RARB: variants seen among roughly 807,000 people sequenced by gnomAD.
RARB encodes the protein retinoic acid receptor beta.
Under a neutral mutation model 51.9 loss-of-function variants are expected in RARB, and 17 were observed. The ratio of observed to expected loss-of-function variants is 0.33; its 90% CI spans 0.22 to 0.49. RARB has a LOEUF of 0.49. Among genes scored for constraint, RARB ranks in the 20% least tolerant of loss-of-function variants. The pLI is 0.99. For synonymous variants in RARB, 215 were observed against 195.4 expected, an observed-to-expected ratio of 1.10 and a Z score of -0.84; for missense variants, 369 against 550.8, an observed-to-expected ratio of 0.67 and a Z score of 3.30.
At chr3:25,377,187 G>T (rs1031130319) in intron 5 of RARB, among the ~76,000 whole-genome samples, 1 of 152,094 alleles carries the variant, frequency 6.6e-6, no homozygotes, top group Non-Finnish European at 1.5e-5. Flanking sequence ...CAGACATGCC[G>T]CATGCTGTTA....
chr3:25,262,223 G>A (rs147532626), intron 5 of RARB, among the ~76,000 whole-genome samples: 2 of 152,212 alleles, frequency 1.3e-5, no homozygotes, highest in African/African-American at 2.4e-5. Flanking sequence ...ACCAGAACCT[G>A]TGCCCAGAGT....
rs148510604 is a variant in RARB at position 25,398,323 on chromosome 3, C to T, written c.179-62870C>T. Among the ~76,000 whole-genome samples the T allele has an allele frequency of 1.6e-4, 25 of 152,218 alleles. No individual in the cohort carries two copies. In the East Asian group the frequency reaches 4.6e-3, roughly 28 times the overall value. On this transcript the variant is annotated intron_variant, in intron 5 of 11. Transcript: ENST00000383772. Reference sequence around the variant, plus strand: ...ACCCTGGATGCTCCAACATAACTCCCATTATTATCGATAAAAGTTACACTA... The same window carrying T: ...ACCCTGGATGCTCCAACATAACTCCTATTATTATCGATAAAAGTTACACTA...
At chr3:25,280,601 C>T (rs1050486357) in intron 5 of RARB, among the ~76,000 whole-genome samples, 3 of 152,068 alleles carry the variant, frequency 2.0e-5, no homozygotes, top group African/African-American at 7.2e-5. Context: ...AACAGTGCCT[C>T]CCACCCACCC....
At chr3:25,225,948 T>A (rs983552846) in intron 5 of RARB, among the ~76,000 whole-genome samples, 1 of 152,190 alleles carries the variant, frequency 6.6e-6, no homozygotes, top group African/African-American at 2.4e-5. Context: ...TAAGGATGCA[T>A]TTATTATCCC....
chr3:24,848,126 C>T (rs1463778558), intron 1 of RARB, among the ~76,000 whole-genome samples: 1 of 152,242 alleles, frequency 6.6e-6, no homozygotes, highest in African/African-American at 2.4e-5. Flanking sequence ...GTGGCACAAT[C>T]TCGGCTCATT....
intron 3 of RARB, among the ~76,000 whole-genome samples, chr3:25,553,144 C>T (rs1048263257): frequency 5.2e-5 from 7 of 134,348 alleles, no homozygotes; most frequent in African/African-American, 2.2e-4. Context: ...TTTTTTCCTG[C>T]CATCTTTTGC....
Position 25,018,381 on chromosome 3 carries a change from C to T in RARB, c.-379-41744C>T, listed in dbSNP as rs139413314. Among the ~76,000 whole-genome samples the T allele has an allele frequency of 3.5e-3, 527 of 152,206 alleles. 3 individuals carry two copies. Among genetic ancestry groups the T allele is most frequent in the African/African-American group, 0.012 (494 of 41,520 alleles). On this transcript the variant is annotated intron_variant, in intron 2 of 11. Coordinates refer to the RARB transcript ENST00000383772. ...CACAAACTGGAATTCCAGTTGTTGA[C>T]CTGGTTATCATAGGCTGGAATCAAA...
At chr3:25,073,065 T>C (rs1698801979) in intron 3 of RARB, among the ~76,000 whole-genome samples, 1 of 152,142 alleles carries the variant, frequency 6.6e-6, no homozygotes, top group Non-Finnish European at 1.5e-5. Flanking sequence ...TTCTCCTAAA[T>C]GAGTATTAGG....
At chr3:24,998,945 C>T (rs1200808653) in intron 2 of RARB, among the ~76,000 whole-genome samples, 2 of 152,058 alleles carry the variant, frequency 1.3e-5, no homozygotes, top group African/African-American at 4.8e-5. Context: ...GCAGAAGTCA[C>T]CTGCAAAGTA....
At chr3:25,530,111 C>T (rs566663586) in intron 3 of RARB, among the ~76,000 whole-genome samples, 1 of 152,176 alleles carries the variant, frequency 6.6e-6, no homozygotes, top group African/African-American at 2.4e-5. Context: ...TTCTCTATGT[C>T]CCACTAGACT....
intron 4 of RARB, among the ~76,000 whole-genome samples, chr3:25,171,901 G>C (rs570157263): frequency 4.6e-5 from 7 of 151,836 alleles, no homozygotes; most frequent in Non-Finnish European, 7.4e-5. Flanking sequence ...ATTGGATAAC[G>C]TATGCTTTTT....
intron 2 of RARB, among the ~76,000 whole-genome samples, chr3:24,908,663 G>GTTTTT (rs59008287): frequency 0.044 from 4,100 of 93,294 alleles, 763 homozygotes; most frequent in South Asian, 0.086. Context: ...AACCACAACT[G>GTTTTT]TTTTTTTTTT....
chr3:25,021,981 A>G (rs575608905), intron 2 of RARB, among the ~76,000 whole-genome samples: 15 of 152,186 alleles, frequency 9.9e-5, no homozygotes, highest in African/African-American at 2.4e-4. Context: ...GAATTTCCCA[A>G]TTACATGGAG....
rs185312687 is a variant in RARB, at chr3:25,364,565, G to T, written c.179-96628G>T. ...TAGACAAAGATTCAGAGGCTGGAAT[G>T]TGCAGTATGGGTTAGAGATTCAGCA... On this transcript the variant is annotated intron_variant, in intron 5 of 11. Coordinates refer to the RARB transcript ENST00000383772. Among the ~76,000 whole-genome samples, 121 of 152,348 alleles carry T rather than the reference G, an allele frequency of 7.9e-4. 1 individual carries two copies. The Middle Eastern group carries it at 0.014, about 17-fold the overall frequency.
At chr3:25,352,896 G>A (rs1369080497) in intron 5 of RARB, among the ~76,000 whole-genome samples, 10 of 152,106 alleles carry the variant, frequency 6.6e-5, no homozygotes, top group Admixed American at 6.6e-4. Context: ...GACTGTCCTT[G>A]GACATTCACT....
chr3:25,566,098 T>C (rs1575525060), intron 3 of RARB, among the ~76,000 whole-genome samples: 1 of 152,198 alleles, frequency 6.6e-6, no homozygotes, highest in East Asian at 1.9e-4. Context: ...CTACCATCCC[T>C]AGGCCCCCGT....
intron 5 of RARB, among the ~76,000 whole-genome samples, chr3:25,242,524 G>T (rs1007766138): frequency 6.6e-6 from 1 of 152,138 alleles, no homozygotes; most frequent in South Asian, 2.1e-4. Context: ...TTCTGCATAT[G>T]ACTAGCCAGT....
chr3:24,974,129 A>G (rs1215373506), intron 2 of RARB, among the ~76,000 whole-genome samples: 1 of 151,980 alleles, frequency 6.6e-6, no homozygotes, highest in Admixed American at 6.6e-5. Flanking sequence ...TGTTCTTTCT[A>G]TACCCAGTTT....
intron 2 of RARB, among the ~76,000 whole-genome samples, chr3:24,973,354 A>C (rs977080403): frequency 6.6e-6 from 1 of 152,044 alleles, no homozygotes; most frequent in African/African-American, 2.4e-5. Flanking sequence ...ATACCATGCT[A>C]TTTTGGTTAG....
Sources: gnomAD v4.1 joint callset for allele counts (sites outside exome capture counted in the v4.1 genomes callset) on GRCh38, gnomAD v4.1.1 for gene constraint, MANE v1.5 for transcripts, NCBI Gene and HGNC (gene_info 2026-07-23, HGNC 2026-07-21) for gene names.